The following DHRS4 variants were observed in gnomAD, a reference collection of about 807,000 sequenced individuals.
DHRS4 encodes the protein dehydrogenase/reductase SDR family member 4.
In DHRS4, 20 loss-of-function variants were observed where a neutral mutation model predicts 28.4. The observed-to-expected ratio is 0.71, with a 90% CI of 0.50 to 1.02. The LOEUF (loss-of-function observed/expected upper bound fraction) is 1.02. Ranked by LOEUF, DHRS4 falls within the 50% of genes least tolerant of loss-of-function variation. The pLI is 0.00. For synonymous variants in DHRS4, 144 were observed against 146.4 expected (o/e 0.98, Z 0.12); for missense variants, 378 against 367.2 (o/e 1.03, Z -0.24).
intron 3 of DHRS4, 35 bp downstream of exon 3, chr14:23,960,038 G>GC: frequency 1.9e-6 from 3 of 1,582,748 alleles, no homozygotes; most frequent in African/African-American, 2.9e-5. Flanking sequence ...GCCGGGGGGG[G>GC]CGCCTTGGAA....
rs147353351 is a variant in DHRS4, at chr14:23,960,030, C to CGGG, written c.408+33_408+35dup. On this transcript the variant is annotated intron_variant, in intron 3 of 7. Coordinates refer to ENST00000313250, the MANE Select transcript of DHRS4 (RefSeq NM_021004.4). The stretch of plus-strand genomic sequence containing the variant: ...TGAGAGGGGATTAAAGCAGGGGGGC[C>CGGG]GGGGGGGGCGCCTTGGAACACATTC... 1,155 of 1,037,206 alleles carry CGGG rather than the reference C, an allele frequency of 1.1e-3. 20 individuals are homozygous for CGGG. The African/African-American group carries it at 0.02, about 18-fold the overall frequency. 64.3% of individuals were successfully genotyped at this position (1,037,206 alleles called of 1,614,324 possible).
intron 1 of DHRS4, chr14:23,954,171 T>C (rs940568164): frequency 1.0e-4 from 51 of 502,270 alleles, no homozygotes; most frequent in African/African-American, 4.1e-4. Context: ...CGATCTAGTC[T>C]CCCCAGTGTT....
rs1178805968 is a variant in DHRS4, at chr14:23,966,285, C to A, written c.534C>A (p.Gly178=). ...AACACATTCTCTTCTTTCTCCAGGG[C>A]TTCAGTCCTTACAATGTCAGTAAAA... ...SSIAAFSPSP[G]FSPYNVSKTA... Residue 178 remains glycine (G), a splice_region_variant and synonymous_variant, in exon 6 of 8, where the codon GGC becomes GGA. Transcript: ENST00000313250. 3.1e-6 allele frequency: 5 copies of A among 1,612,902 alleles called. No homozygotes were observed. Among genetic ancestry groups the A allele is most frequent in the South Asian group, 1.1e-5 (1 of 90,948 alleles).
intron 6 of DHRS4, among the ~76,000 whole-genome samples, chr14:23,966,901 A>C (rs1352790949): frequency 6.6e-6 from 1 of 152,256 alleles, no homozygotes; most frequent in Non-Finnish European, 1.5e-5. Flanking sequence ...CATGCCTGTA[A>C]TCCCAGCACA....
chr14:23,960,574 T>C (rs1405968475), intron 3 of DHRS4, among the ~76,000 whole-genome samples: 1 of 152,092 alleles, frequency 6.6e-6, no homozygotes. Context: ...ATTCAAGTGG[T>C]AGAATATTGG....
In DHRS4 at chr14:23,966,395, T is replaced by A. The variant is rs1257343207; in HGVS notation, c.644T>A (p.Ile215Asn). The A allele has an allele frequency of 6.2e-7, 1 of 1,613,936 alleles. No homozygotes were observed. The highest frequency in any genetic ancestry group is 1.1e-5 in the South Asian group (1 of 91,058). ...GTGAACTGCCTAGCACCTGGACTTA[T>A]CAAGACTAGCTTCAGCAGGATGGTG... is the stretch of plus-strand genomic sequence containing the variant. ...IRVNCLAPGLIKTSFSRMLWM... is the reference protein window; with the variant it reads ...IRVNCLAPGLNKTSFSRMLWM... The change falls in exon 6 of 8, where the codon ATC becomes AAC. Residue 215 changes from isoleucine (I) to asparagine (N), a missense_variant. Ile to Asn is a moderately radical substitution (Grantham distance 149). Transcript: ENST00000313250.
chr14:23,954,720 G>A (rs2033024740), intron 1 of DHRS4, among the ~76,000 whole-genome samples: 2 of 152,220 alleles, frequency 1.3e-5, no homozygotes, highest in Non-Finnish European at 2.9e-5. Context: ...GGAAGTGGCT[G>A]CTGCTGCAAA....
chr14:23,955,745 G>C (rs1187483555), intron 2 of DHRS4, among the ~76,000 whole-genome samples: 4 of 152,194 alleles, frequency 2.6e-5, no homozygotes, highest in African/African-American at 9.7e-5. Context: ...CCCACAGCCA[G>C]TAAGGAAAGA....
At chr14:23,958,292 G>A (rs998311728) in intron 2 of DHRS4, among the ~76,000 whole-genome samples, 8 of 152,156 alleles carry the variant, frequency 5.3e-5, no homozygotes, top group African/African-American at 7.2e-5. Flanking sequence ...TAGTTAAAAC[G>A]GGAAGCTAGC....
intron 1 of DHRS4, among the ~76,000 whole-genome samples, 164 bp from the exon 2 acceptor site, chr14:23,954,871 A>G (rs539603870): frequency 2.0e-5 from 3 of 152,370 alleles, no homozygotes; most frequent in Admixed American, 2.0e-4. Flanking sequence ...GAATGCCAAA[A>G]ATGGCCATGC....
In DHRS4 at chr14:23,955,065, C is replaced by T. The variant is rs955998887; in HGVS notation, c.159C>T (p.Ala53=). The T allele has an allele frequency of 1.2e-6, 2 of 1,614,090 alleles. No individual in the cohort carries two copies. Among genetic ancestry groups the T allele is most frequent in the African/African-American group, 1.3e-5 (1 of 74,954 alleles). The change falls in exon 2 of 8, where the codon GCC becomes GCT. Residue 53 remains alanine (A), a synonymous_variant. Transcript: ENST00000313250. ...GIGFAIARRL[A]QDGAHVVVSS... The stretch of plus-strand genomic sequence containing the variant: ...GCTTCGCCATCGCCCGGCGTTTGGC[C>T]CAGGACGGGGCCCATGTGGTCGTCA...
intron 6 of DHRS4, among the ~76,000 whole-genome samples, chr14:23,966,926 C>T (rs549679038): frequency 1.9e-3 from 292 of 152,312 alleles, no homozygotes; most frequent in Middle Eastern, 6.8e-3. Flanking sequence ...GAGGCCGAGG[C>T]GGGCAGATCA....
At chr14:23,957,363 A>G (rs181120990) in intron 2 of DHRS4, among the ~76,000 whole-genome samples, 2 of 146,744 alleles carry the variant, frequency 1.4e-5, no homozygotes, top group Admixed American at 1.3e-4. Flanking sequence ...GAGAATGGAT[A>G]CTACCCAGTG....
intron 3 of DHRS4, among the ~76,000 whole-genome samples, chr14:23,960,840 G>A (rs1248307101): frequency 1.3e-5 from 2 of 152,044 alleles, no homozygotes; most frequent in Admixed American, 6.5e-5. Context: ...TTTGGCTTAC[G>A]ATACTGCAGA....
Position 23,953,874 on chromosome 14 carries a change from CGCTCGCAAATAAGGTG to C in DHRS4, c.89_104del (p.Leu30ProfsTer3). 1 of 1,611,972 alleles carries C rather than the reference CGCTCGCAAATAAGGTG, an allele frequency of 6.2e-7. No individual in the cohort carries two copies. The highest frequency in any genetic ancestry group is 8.5e-7 in the Non-Finnish European group (1 of 1,179,094). On this transcript the variant is annotated frameshift_variant, in exon 1 of 8. Transcript: ENST00000313250. LOFTEE classifies it high-confidence loss of function. Reference sequence around the variant, plus strand: ...AGCTCCGGGATGACCCGCCGGGACCCGCTCGCAAATAAGGTGGCCCTGGTAACGGCCTCCACCGACG... The same window carrying C: ...AGCTCCGGGATGACCCGCCGGGACCCGCCCTGGTAACGGCCTCCACCGACG...
intron 4 of DHRS4, 32 bp downstream of exon 4, chr14:23,965,864 G>C: frequency 6.2e-7 from 1 of 1,606,740 alleles, no homozygotes; most frequent in Non-Finnish European, 8.5e-7. Context: ...CTGGGTGAGA[G>C]GGGACACCAC....
intron 2 of DHRS4, among the ~76,000 whole-genome samples, chr14:23,958,334 G>C (rs985933762): frequency 5.3e-5 from 8 of 152,184 alleles, no homozygotes; most frequent in South Asian, 2.1e-4. Flanking sequence ...ACACCCCTCT[G>C]TGTGCCAAAT....
chr14:23,963,037 T>C (rs1178343806), intron 3 of DHRS4, among the ~76,000 whole-genome samples: 9 of 126,402 alleles, frequency 7.1e-5, no homozygotes, highest in South Asian at 2.6e-4. Context: ...GAGCAGTAGC[T>C]ATCAACGGTG....
chr14:23,958,398 A>G (rs1459307599), intron 2 of DHRS4, among the ~76,000 whole-genome samples: 1 of 152,190 alleles, frequency 6.6e-6, no homozygotes, highest in African/African-American at 2.4e-5. Context: ...CCAAGGCATC[A>G]AAATTGCCAG....
Sources: allele counts gnomAD v4.1 joint callset (sites outside exome capture counted in the v4.1 genomes callset), GRCh38; gene constraint gnomAD v4.1.1; transcripts MANE v1.5; gene names NCBI Gene and HGNC (gene_info 2026-07-23, HGNC 2026-07-21).